Variants in SLC9A9 observed in about 807,000 individuals in gnomAD.
The protein encoded by SLC9A9 is sodium/hydrogen exchanger 9.
SLC9A9 carries 62 observed loss-of-function variants against 77.8 expected under a neutral mutation model. The observed-to-expected ratio is 0.80, with a 90% CI of 0.65 to 0.98. The LOEUF (loss-of-function observed/expected upper bound fraction) is 0.98. SLC9A9 is among the 50% of genes least tolerant of loss of function. The pLI, the probability that SLC9A9 is intolerant of heterozygous loss-of-function variation, is 0.00. For synonymous variants in SLC9A9, 320 were observed against 283.5 expected (o/e 1.13, Z -1.29); for missense variants, 775 against 774.9 (o/e 1.00, Z 0.00).
chr3:143,516,908 C>T lies in SLC9A9; in HGVS notation c.1090-21460G>A, dbSNP rs538516160. Reference sequence around the variant, plus strand: ...TGTTAGAATATCTGCTTTCCTAAAACCTTACCAATTCCTAATCTGAGCAAC... The same window carrying T: ...TGTTAGAATATCTGCTTTCCTAAAATCTTACCAATTCCTAATCTGAGCAAC... On this transcript the variant is annotated intron_variant, in intron 9 of 15. Coordinates refer to ENST00000316549, the MANE Select transcript of SLC9A9 (RefSeq NM_173653.4). Among the ~76,000 whole-genome samples the T allele has an allele frequency of 4.6e-5, 7 of 152,186 alleles. No individual in the cohort carries two copies. In the South Asian group the frequency reaches 1.5e-3, roughly 32 times the overall value.
At chr3:143,397,223 T>C (rs146576437) in intron 12 of SLC9A9, among the ~76,000 whole-genome samples, 379 of 152,378 alleles carry the variant, frequency 2.5e-3, no homozygotes, top group Non-Finnish European at 3.7e-3. Context: ...TCAAGGCATC[T>C]GGCCTTTCTT....
chr3:143,304,138 G>T (rs2108430991), intron 14 of SLC9A9, among the ~76,000 whole-genome samples: 1 of 152,204 alleles, frequency 6.6e-6, no homozygotes, highest in African/African-American at 2.4e-5. Context: ...CCATTGTTTT[G>T]GGTCTCTTCC....
At chr3:143,449,912 T>G (rs1213173302) in intron 12 of SLC9A9, among the ~76,000 whole-genome samples, 1 of 90,936 alleles carries the variant, frequency 1.1e-5, no homozygotes, top group Non-Finnish European at 1.9e-5. Context: ...TATAATATAA[T>G]ATTACATAAT....
intron 9 of SLC9A9, among the ~76,000 whole-genome samples, chr3:143,543,628 G>A (rs1001766278): frequency 8.5e-5 from 13 of 152,084 alleles, no homozygotes; most frequent in Admixed American, 2.6e-4. Context: ...ATTTACAGAT[G>A]AGAACATGTG....
intron 12 of SLC9A9, among the ~76,000 whole-genome samples, chr3:143,430,835 TAGG>T (rs924423655): frequency 6.6e-6 from 1 of 152,230 alleles, no homozygotes; most frequent in Admixed American, 6.5e-5. Flanking sequence ...GTAGGGTTTC[TAGG>T]AGATTTGCTT....
chr3:143,498,061 T>C lies in SLC9A9; in HGVS notation c.1090-2613A>G, dbSNP rs148661222. On this transcript the variant is annotated intron_variant, in intron 9 of 15. Transcript: ENST00000316549. ...TATTTGTTTTAGTGATTTGCTTCCT[T>C]TGAATAACCTAGGATTTTAACTTGA... is the stretch of plus-strand genomic sequence containing the variant. Among the ~76,000 whole-genome samples, 44 of 152,352 alleles carry C rather than the reference T, an allele frequency of 2.9e-4. No homozygotes were observed. In the East Asian group the frequency reaches 8.3e-3, roughly 29 times the overall value.
intron 6 of SLC9A9, among the ~76,000 whole-genome samples, chr3:143,621,010 G>T (rs564422644): frequency 6.6e-6 from 1 of 152,138 alleles, no homozygotes; most frequent in African/African-American, 2.4e-5. Context: ...ATGGAGCCTC[G>T]CTCATTGCTA....
intron 5 of SLC9A9, among the ~76,000 whole-genome samples, chr3:143,686,110 C>T (rs1363407166): frequency 6.6e-6 from 1 of 152,094 alleles, no homozygotes; most frequent in Non-Finnish European, 1.5e-5. Flanking sequence ...CGAGGGTGAC[C>T]TGGGATACTC....
At chr3:143,356,132 C>T (rs181203792) in intron 14 of SLC9A9, among the ~76,000 whole-genome samples, 353 of 152,262 alleles carry the variant, frequency 2.3e-3, no homozygotes, top group Non-Finnish European at 3.7e-3. Flanking sequence ...GCCTAGGTAA[C>T]AATTCATAAA....
chr3:143,844,298 C>G (rs1576766893), intron 1 of SLC9A9, among the ~76,000 whole-genome samples: 1 of 151,974 alleles, frequency 6.6e-6, no homozygotes, highest in Non-Finnish European at 1.5e-5. Flanking sequence ...TTTCTAAGCC[C>G]CTGTTCTCTA....
chr3:143,398,965 A>C (rs949849110), intron 12 of SLC9A9, among the ~76,000 whole-genome samples: 2 of 151,660 alleles, frequency 1.3e-5, no homozygotes, highest in African/African-American at 4.9e-5. Flanking sequence ...ACCAGATGCT[A>C]TTAATAATAA....
intron 12 of SLC9A9, among the ~76,000 whole-genome samples, chr3:143,422,363 G>A (rs1426465802): frequency 2.0e-5 from 3 of 152,180 alleles, no homozygotes; most frequent in Admixed American, 2.0e-4. Context: ...GCCCATCAAC[G>A]GTGGATTGGA....
chr3:143,728,712 G>T (rs1934726737), intron 4 of SLC9A9, among the ~76,000 whole-genome samples: 1 of 152,030 alleles, frequency 6.6e-6, no homozygotes, highest in African/African-American at 2.4e-5. Context: ...CTTCGGGGAG[G>T]GAGGCAGCAG....
intron 1 of SLC9A9, among the ~76,000 whole-genome samples, chr3:143,841,525 T>C (rs892328385): frequency 2.0e-5 from 3 of 152,242 alleles, no homozygotes; most frequent in Non-Finnish European, 2.9e-5. Context: ...CCCCACTTCA[T>C]TAACTATGTA....
At chr3:143,652,813 T>TACC in intron 5 of SLC9A9, among the ~76,000 whole-genome samples, 1 of 56,900 alleles carries the variant, frequency 1.8e-5, no homozygotes, top group African/African-American at 7.9e-5. Context: ...ACACACACAC[T>TACC]TCTTGCTACC....
intron 2 of SLC9A9, among the ~76,000 whole-genome samples, chr3:143,824,280 A>G (rs1232819697): frequency 6.6e-6 from 1 of 151,986 alleles, no homozygotes; most frequent in Non-Finnish European, 1.5e-5. Context: ...TAAAATGGCA[A>G]AGAGCTGGCA....
At chr3:143,844,755 TTCTTTCTTTCTTTCTTTC>T in intron 1 of SLC9A9, among the ~76,000 whole-genome samples, 2 of 148,956 alleles carry the variant, frequency 1.3e-5, no homozygotes, top group Non-Finnish European at 1.5e-5. Flanking sequence ...CTTTCTTTCT[TTCTTTCTTTCTTTCTTTC>T]TTTCTTTCTT....
chr3:143,395,430 C>T (rs924592539), intron 12 of SLC9A9, among the ~76,000 whole-genome samples: 2 of 152,160 alleles, frequency 1.3e-5, no homozygotes, highest in Non-Finnish European at 2.9e-5. Context: ...TTCCTTACAC[C>T]TTATACAAAA....
intron 4 of SLC9A9, among the ~76,000 whole-genome samples, chr3:143,757,621 TA>T (rs1439863551): frequency 2.0e-5 from 3 of 152,154 alleles, no homozygotes; most frequent in Admixed American, 1.3e-4. Context: ...TTCAGAAAAC[TA>T]AAAATGTCGC....
Sources: allele counts gnomAD v4.1 joint callset (sites outside exome capture counted in the v4.1 genomes callset), GRCh38; gene constraint gnomAD v4.1.1; transcripts MANE v1.5; gene names NCBI Gene and HGNC (gene_info 2026-07-23, HGNC 2026-07-21).